The following NTRK3 variants were observed in gnomAD, a reference collection of about 807,000 sequenced individuals.
NTRK3 encodes the protein NT-3 growth factor receptor.
A neutral mutation model predicts 91.7 loss-of-function variants in NTRK3; 24 were observed. That is an observed-to-expected ratio of 0.26 (90% CI 0.19 to 0.37). The LOEUF is 0.37. NTRK3 is among the 10% of genes least tolerant of loss of function. NTRK3 has a pLI of 1.00. For missense variants in NTRK3, 880 were observed against 1,068.9 expected, an observed-to-expected ratio of 0.82 and a Z score of 2.46; for synonymous variants, 483 against 404.0, an observed-to-expected ratio of 1.20 and a Z score of -2.34.
exon 19 of NTRK3, chr15:87,861,635 G>C: frequency 5.2e-6 from 1 of 193,770 alleles, no homozygotes; most frequent in Non-Finnish European, 1.1e-5. Flanking sequence ...ATCCCACTTA[G>C]CCAGTGCCGG....
intron 15 of NTRK3, among the ~76,000 whole-genome samples, chr15:87,934,194 G>A (rs943637153): frequency 6.6e-6 from 1 of 152,196 alleles, no homozygotes; most frequent in Non-Finnish European, 1.5e-5. Flanking sequence ...TGCATGAGGA[G>A]CAGCTTATGC....
chr15:87,925,766 C>G (rs2068254592), intron 17 of NTRK3: 1 of 177,276 alleles, frequency 5.6e-6, no homozygotes, highest in Non-Finnish European at 1.2e-5. Flanking sequence ...AAGACATTTT[C>G]CTGAGGTGGT....
intron 6 of NTRK3, among the ~76,000 whole-genome samples, chr15:88,146,674 C>T (rs769811269): frequency 1.3e-5 from 2 of 152,162 alleles, no homozygotes; most frequent in Non-Finnish European, 2.9e-5. Flanking sequence ...CCTGATCAGC[C>T]TTGGACCACA....
chr15:88,183,547 TGGGCTGAGGCTGGCAG>T, intron 4 of NTRK3, 58 bp from the exon 5 acceptor site: 1 of 1,502,446 alleles, frequency 6.7e-7, no homozygotes. Flanking sequence ...ATATCTGCTC[TGGGCTGAGGCTGGCAG>T]GGGGTGAGGC....
At chr15:88,081,397 T>G (rs1467418016) in intron 13 of NTRK3, among the ~76,000 whole-genome samples, 1 of 152,174 alleles carries the variant, frequency 6.6e-6, no homozygotes, top group Non-Finnish European at 1.5e-5. Context: ...TGCCGTCACA[T>G]TTTGTCCAGG....
chr15:87,973,129 G>A (rs2073400187), intron 14 of NTRK3, among the ~76,000 whole-genome samples: 1 of 152,176 alleles, frequency 6.6e-6, no homozygotes, highest in Non-Finnish European at 1.5e-5. Context: ...AATGAGGAGA[G>A]AAGATCTAGC....
At chr15:88,195,834 A>G (rs776885808) in intron 3 of NTRK3, among the ~76,000 whole-genome samples, 2 of 152,196 alleles carry the variant, frequency 1.3e-5, no homozygotes, top group Non-Finnish European at 2.9e-5. Context: ...AGCTGGCTTG[A>G]AAGTAATCCA....
intron 13 of NTRK3, among the ~76,000 whole-genome samples, chr15:88,097,310 T>A (rs920540652): frequency 3.3e-5 from 5 of 152,264 alleles, no homozygotes; most frequent in African/African-American, 1.2e-4. Flanking sequence ...TCATTAATGC[T>A]GTTAGCATGA....
At chr15:88,098,163 A>C (rs532680074) in intron 13 of NTRK3, among the ~76,000 whole-genome samples, 6 of 152,250 alleles carry the variant, frequency 3.9e-5, no homozygotes, top group Non-Finnish European at 8.8e-5. Flanking sequence ...ATAAGCAGCA[A>C]GTGGACTTTG....
intron 14 of NTRK3, among the ~76,000 whole-genome samples, chr15:88,001,025 C>T (rs137888221): frequency 1.3e-5 from 2 of 152,278 alleles, no homozygotes; most frequent in East Asian, 1.9e-4. Context: ...TACTGTCCAA[C>T]ATTTTTTATT....
chr15:88,180,988 AC>A (rs1048362250), intron 5 of NTRK3, among the ~76,000 whole-genome samples: 2 of 151,516 alleles, frequency 1.3e-5, no homozygotes, highest in Non-Finnish European at 2.9e-5. Flanking sequence ...TCTCTCTGCG[AC>A]CCCCAGGCTC....
chr15:88,012,395 G>A (rs995259292), intron 14 of NTRK3, among the ~76,000 whole-genome samples: 25 of 152,208 alleles, frequency 1.6e-4, no homozygotes, highest in South Asian at 4.1e-4. Context: ...TCATTCTTGC[G>A]CCTTGCTTAC....
intron 13 of NTRK3, among the ~76,000 whole-genome samples, chr15:88,081,345 C>T (rs1048065910): frequency 6.6e-6 from 1 of 152,166 alleles, no homozygotes; most frequent in Non-Finnish European, 1.5e-5. Flanking sequence ...CCCAAGTGCG[C>T]CCCTGCCACC....
At chr15:88,170,679 G>A (rs1465865851) in intron 5 of NTRK3, among the ~76,000 whole-genome samples, 1 of 152,194 alleles carries the variant, frequency 6.6e-6, no homozygotes, top group Non-Finnish European at 1.5e-5. Flanking sequence ...GGCAGCAGAA[G>A]AACCAGACCG....
At chr15:87,865,630 T>C (rs1186712458) in exon 19 of NTRK3, 1 of 217,938 alleles carries the variant, frequency 4.6e-6, no homozygotes, top group East Asian at 6.8e-5. Flanking sequence ...ACCAAATTTA[T>C]AGAGAAAGTT....
At chr15:87,948,862 G>T (rs1464899164) in intron 14 of NTRK3, among the ~76,000 whole-genome samples, 1 of 152,136 alleles carries the variant, frequency 6.6e-6, no homozygotes, top group Admixed American at 6.5e-5. Context: ...CTTTCTGCTG[G>T]CCAGTCCATG....
chr15:88,043,058 C>T (rs1353184281), intron 13 of NTRK3, among the ~76,000 whole-genome samples: 2 of 152,156 alleles, frequency 1.3e-5, no homozygotes, highest in Non-Finnish European at 2.9e-5. Context: ...ATGACATTTC[C>T]AGTAAACTCC....
chr15:88,059,353 C>T (rs975011882), intron 13 of NTRK3, among the ~76,000 whole-genome samples: 1 of 152,138 alleles, frequency 6.6e-6, no homozygotes, highest in Non-Finnish European at 1.5e-5. Context: ...GATTTTGTAC[C>T]CCAAGCCAGG....
At chr15:88,095,932 C>T (rs182270567) in intron 13 of NTRK3, among the ~76,000 whole-genome samples, 2 of 152,292 alleles carry the variant, frequency 1.3e-5, no homozygotes, top group African/African-American at 4.8e-5. Context: ...CCAGAAAGCC[C>T]AATCTCCTTC....
Sources: allele counts gnomAD v4.1 joint callset (sites outside exome capture counted in the v4.1 genomes callset), GRCh38; gene constraint gnomAD v4.1.1; transcripts MANE v1.5; gene names NCBI Gene and HGNC (gene_info 2026-07-23, HGNC 2026-07-21).